SCD5: variants seen among roughly 807,000 people sequenced by gnomAD.
The protein encoded by SCD5 is stearoyl-CoA desaturase 5.
Under a neutral mutation model 30.4 loss-of-function variants are expected in SCD5, and 20 were observed. That is an observed-to-expected ratio of 0.66 (90% CI 0.46 to 0.96). The LOEUF (loss-of-function observed/expected upper bound fraction) is 0.96. Ranked by LOEUF, SCD5 falls within the 40% of genes least tolerant of loss-of-function variation. SCD5 has a pLI of 0.00. For missense variants in SCD5, 381 were observed against 443.3 expected (o/e 0.86, Z 1.26); for synonymous variants, 173 against 176.4 (o/e 0.98, Z 0.16).
At chr4:82,700,408 G>T (rs1560537539) in intron 2 of SCD5, among the ~76,000 whole-genome samples, 1 of 151,982 alleles carries the variant, frequency 6.6e-6, no homozygotes, top group African/African-American at 2.4e-5. Context: ...TCAAACTGCA[G>T]AAAATCAAAG....
chr4:82,743,052 T>C (rs1371677027), intron 1 of SCD5, among the ~76,000 whole-genome samples: 1 of 152,132 alleles, frequency 6.6e-6, no homozygotes, highest in Admixed American at 6.5e-5. Flanking sequence ...CCCCCAGCCC[T>C]TTCCACTGAG....
chr4:82,787,222 A>G (rs1722006663), intron 1 of SCD5, among the ~76,000 whole-genome samples: 1 of 152,164 alleles, frequency 6.6e-6, no homozygotes, highest in Non-Finnish European at 1.5e-5. Context: ...GTGGAAAATG[A>G]CCAACCAAGA....
At chr4:82,709,339 T>A (rs1001822229) in intron 1 of SCD5, among the ~76,000 whole-genome samples, 2 of 152,190 alleles carry the variant, frequency 1.3e-5, no homozygotes, top group African/African-American at 2.4e-5. Context: ...TGAGACAGTT[T>A]CATTGAGCTG....
chr4:82,667,771 A>AT (rs1002941807), intron 3 of SCD5, among the ~76,000 whole-genome samples: 1 of 152,098 alleles, frequency 6.6e-6, no homozygotes, highest in Admixed American at 6.5e-5. Context: ...TTTATTCTCA[A>AT]TTTTTTTTGT....
chr4:82,747,069 G>GCCGCCCC (rs1553918954), intron 1 of SCD5, among the ~76,000 whole-genome samples: 3 of 139,698 alleles, frequency 2.1e-5, no homozygotes, highest in Non-Finnish European at 4.8e-5. Context: ...TGGGCAACCT[G>GCCGCCCC]CCCCCCAAGA....
At chr4:82,715,035 G>C (rs1286035103) in intron 1 of SCD5, among the ~76,000 whole-genome samples, 1 of 151,380 alleles carries the variant, frequency 6.6e-6, no homozygotes, top group Non-Finnish European at 1.5e-5. Flanking sequence ...TCAGGAGTTC[G>C]AGACCAGCCT....
intron 3 of SCD5, among the ~76,000 whole-genome samples, chr4:82,657,216 G>T (rs1373432007): frequency 1.3e-5 from 2 of 152,136 alleles, no homozygotes; most frequent in East Asian, 1.9e-4. Flanking sequence ...TTCTTCTAGG[G>T]TTTTTATGGT....
chr4:82,712,992 T>A (rs1720143217), intron 1 of SCD5, among the ~76,000 whole-genome samples: 1 of 152,212 alleles, frequency 6.6e-6, no homozygotes. Flanking sequence ...GGTTTCTTCT[T>A]ACTATTAAAA....
chr4:82,660,615 T>C (rs1313062086), intron 3 of SCD5: 2 of 1,329,212 alleles, frequency 1.5e-6, no homozygotes, highest in Non-Finnish European at 1.9e-6. Flanking sequence ...GGTATCATTA[T>C]TACCCTGCTC....
At chr4:82,758,104 G>A (rs1721270077) in intron 1 of SCD5, among the ~76,000 whole-genome samples, 1 of 152,194 alleles carries the variant, frequency 6.6e-6, no homozygotes, top group Non-Finnish European at 1.5e-5. Context: ...CTCTGGAGAC[G>A]TTCAGAGGAT....
In SCD5 at chr4:82,631,136, A is replaced by AC; in HGVS notation, c.*190dup. 3.9e-6 allele frequency: 2 copies of AC among 516,792 alleles called. No homozygotes were observed. Among genetic ancestry groups the AC allele is most frequent in the Non-Finnish European group, 6.6e-6 (2 of 304,700 alleles). The allele number at this position is 516,792 out of a possible 1,614,324, so 32.0% of individuals were successfully genotyped here. Reference sequence around the variant, plus strand: ...AAAAACAAAACAAACAAAAAAAAAAACGAAAGTTTTTTCATTGATAATTGT... The same window carrying AC: ...AAAAACAAAACAAACAAAAAAAAAAACCGAAAGTTTTTTCATTGATAATTGT... On this transcript the variant is annotated 3_prime_UTR_variant, in exon 5 of 5. Transcript: ENST00000319540.
chr4:82,792,032 C>T (rs1052708689), intron 1 of SCD5, among the ~76,000 whole-genome samples: 3 of 150,598 alleles, frequency 2.0e-5, no homozygotes, highest in African/African-American at 7.3e-5. Flanking sequence ...CCGAGGAGGG[C>T]GGATCACCTG....
At chr4:82,715,468 A>C (rs1046584428) in intron 1 of SCD5, among the ~76,000 whole-genome samples, 3 of 151,392 alleles carry the variant, frequency 2.0e-5, no homozygotes, top group Admixed American at 6.6e-5. Context: ...TCCAGAGCCT[A>C]GATTAGGAAC....
At chr4:82,636,295 A>T (rs1013596209) in intron 4 of SCD5, among the ~76,000 whole-genome samples, 1 of 150,004 alleles carries the variant, frequency 6.7e-6, no homozygotes, top group African/African-American at 2.5e-5. Context: ...AAAAAAAAAT[A>T]CAAAAATTAG....
chr4:82,666,471 C>A (rs1032904472), intron 3 of SCD5, among the ~76,000 whole-genome samples: 2 of 151,194 alleles, frequency 1.3e-5, no homozygotes, highest in Admixed American at 6.6e-5. Context: ...AGCCGGATCG[C>A]GCCACTGCAC....
At chr4:82,746,649 G>A (rs1374183648) in intron 1 of SCD5, among the ~76,000 whole-genome samples, 1 of 152,042 alleles carries the variant, frequency 6.6e-6, no homozygotes, top group Non-Finnish European at 1.5e-5. Context: ...TGACTGACAA[G>A]GTAAAGGCAA....
At chr4:82,656,097 TTTA>T (rs918218134) in intron 3 of SCD5, among the ~76,000 whole-genome samples, 1 of 151,568 alleles carries the variant, frequency 6.6e-6, no homozygotes. Context: ...ACTTATATAT[TTTA>T]TTATTATTAT....
At chr4:82,697,662 T>C (rs561252038) in intron 2 of SCD5, among the ~76,000 whole-genome samples, 2 of 152,270 alleles carry the variant, frequency 1.3e-5, no homozygotes, top group African/African-American at 4.8e-5. Flanking sequence ...TTTTTGTTGG[T>C]AGAAAGTATA....
At chr4:82,742,003 C>T (rs1442789196) in intron 1 of SCD5, among the ~76,000 whole-genome samples, 6 of 151,150 alleles carry the variant, frequency 4.0e-5, no homozygotes, top group Admixed American at 4.0e-4. Flanking sequence ...TGGCGTGAAA[C>T]CGGGAGGTGG....
Sources: allele counts gnomAD v4.1 joint callset (sites outside exome capture counted in the v4.1 genomes callset), GRCh38; gene constraint gnomAD v4.1.1; transcripts MANE v1.5; gene names NCBI Gene and HGNC (gene_info 2026-07-23, HGNC 2026-07-21).